ETNK2: variants seen among roughly 807,000 people sequenced by gnomAD.
The protein encoded by ETNK2 is ethanolamine kinase 2, also known as ethanolamine kinase-like protein.
ETNK2 carries 33 observed loss-of-function variants against 46.2 expected under a neutral mutation model. That is an observed-to-expected ratio of 0.71 (90% CI 0.54 to 0.96). ETNK2 has a LOEUF of 0.96. ETNK2 is among the 40% of genes least tolerant of loss of function. The probability of loss-of-function intolerance (pLI) is 0.00; values close to 1 mark genes in which losing one functional copy is unlikely to be tolerated. For missense variants in ETNK2, 445 were observed against 509.7 expected (o/e 0.87, Z 1.22); for synonymous variants, 194 against 209.0 (o/e 0.93, Z 0.62).
Position 204,137,134 on chromosome 1 carries a change from C to T in ETNK2, c.984G>A (p.Arg328=). ...GMAVTPREVQ[R]LYVQVNKFAL... The stretch of plus-strand genomic sequence containing the variant: ...CAAACTTGTTGACTTGCACGTAGAG[C>T]CTTTGCACCTCCCTGGGGGTCACGG... Residue 328 remains arginine (R), a synonymous_variant, in exon 6 of 8, where the codon AGG becomes AGA. Transcript: ENST00000367202. The T allele has an allele frequency of 1.2e-6, 2 of 1,613,952 alleles. No homozygotes were observed. Among genetic ancestry groups the T allele is most frequent in the South Asian group, 1.1e-5 (1 of 91,078 alleles).
At chr1:204,144,287 G>C (rs574738620) in intron 3 of ETNK2, among the ~76,000 whole-genome samples, 1 of 142,658 alleles carries the variant, frequency 7.0e-6, no homozygotes, top group Non-Finnish European at 1.5e-5. Context: ...CAGAGGTTGC[G>C]GTGAGCTGAG....
chr1:204,141,862 T>G, intron 3 of ETNK2: 1 of 181,174 alleles, frequency 5.5e-6, no homozygotes, highest in Non-Finnish European at 1.2e-5. Context: ...TGGGGAGAGA[T>G]GCAAAACAGA....
chr1:204,149,538 C>T (rs996164674), intron 2 of ETNK2, among the ~76,000 whole-genome samples, 165 bp downstream of exon 2: 17 of 152,186 alleles, frequency 1.1e-4, no homozygotes, highest in Admixed American at 5.2e-4. Context: ...CTACAGAAAG[C>T]GATAGCCCCT....
At chr1:204,140,486 TTC>T (rs891762688) in intron 4 of ETNK2, among the ~76,000 whole-genome samples, 1 of 152,128 alleles carries the variant, frequency 6.6e-6, no homozygotes, top group East Asian at 1.9e-4. Flanking sequence ...GATGTGTTCG[TTC>T]TCTCTCTTTC....
intron 2 of ETNK2, among the ~76,000 whole-genome samples, chr1:204,148,569 GACACACACACACACACACACAC>G (rs61199759): frequency 6.9e-6 from 1 of 145,222 alleles, no homozygotes; most frequent in African/African-American, 2.6e-5. Context: ...ACACCCTCAA[GACACACACACACACACACACAC>G]ACACACACAC....
chr1:204,135,213 C>T (rs1401654784), intron 6 of ETNK2, among the ~76,000 whole-genome samples: 1 of 152,184 alleles, frequency 6.6e-6, no homozygotes, highest in Admixed American at 6.5e-5. Context: ...AAGCCTCAAA[C>T]CGTGCTCTCC....
chr1:204,151,448 C>T lies in ETNK2; in HGVS notation c.258+147G>A. ...AGTTTTGGTAGCGACGAAATCAATC[C>T]GTACACAAACCACGTTCCAAACCTT... On this transcript the variant is annotated intron_variant, in intron 1 of 7. Coordinates refer to ENST00000367202, the MANE Select transcript of ETNK2 (RefSeq NM_018208.4). This position sits in a 1 kb window ranked among gnomAD's most constrained non-coding sequence, Gnocchi z 8.0. 2.6e-6 allele frequency: 3 copies of T among 1,168,676 alleles called. No individual in the cohort carries two copies. The highest frequency in any genetic ancestry group is 3.6e-6 in the Non-Finnish European group (3 of 835,234). The allele number at this position is 1,168,676 out of a possible 1,614,324, so 72.4% of individuals were successfully genotyped here. A position where few individuals can be genotyped will look rare whatever the true frequency, so the allele number is the denominator to read the frequency against.
chr1:204,134,388 C>CG, intron 7 of ETNK2, 127 bp downstream of exon 7: 1 of 1,044,020 alleles, frequency 9.6e-7, no homozygotes, highest in Non-Finnish European at 1.4e-6. Flanking sequence ...TGAGCTGGAA[C>CG]GGGGGCGAGT....
intron 6 of ETNK2, 155 bp from the exon 7 acceptor site, chr1:204,134,743 G>A (rs775701135): frequency 6.4e-7 from 1 of 1,551,904 alleles, no homozygotes; most frequent in Non-Finnish European, 8.8e-7. Flanking sequence ...GGGAAATTCT[G>A]GAGGCCAAGT....
At chr1:204,138,599 T>C (rs893589259) in intron 5 of ETNK2, 3 of 152,198 alleles carry the variant, frequency 2.0e-5, no homozygotes, top group Non-Finnish European at 4.4e-5. Flanking sequence ...GGTACAATCA[T>C]TGCTCGACAG....
At position 204,151,690 on chromosome 1, in the gene ETNK2, C is replaced by T. The variant is rs1283904927; in HGVS notation, c.163G>A (p.Gly55Ser). Reference protein sequence around the residue: ...PPRAAAVAYFGISVDPDDILP... With the variant: ...PPRAAAVAYFSISVDPDDILP... ...ATGTCGTCCGGGTCCACGGAAATGC[C>T]GAAGTACGCGACGGCGGCGGCCCTC... is the stretch of plus-strand genomic sequence containing the variant. Residue 55 changes from glycine (G) to serine (S), a missense_variant, in exon 1 of 8, where the codon GGC becomes AGC. Gly to Ser is a moderately conservative substitution (Grantham distance 56). Coordinates refer to ENST00000367202, the MANE Select transcript of ETNK2 (RefSeq NM_018208.4). The surrounding 1 kb of genome is among the most constrained non-coding windows in gnomAD (Gnocchi z 8.0). 8 of 1,545,952 alleles carry T rather than the reference C, an allele frequency of 5.2e-6. No homozygotes were observed. The highest frequency in any genetic ancestry group is 1.4e-5 in the African/African-American group (1 of 72,740).
At chr1:204,147,995 C>T (rs140578612) in intron 2 of ETNK2, among the ~76,000 whole-genome samples, 3,373 of 152,280 alleles carry the variant, frequency 0.022, 55 homozygotes, top group Middle Eastern at 0.044. Context: ...ATGAACAGAG[C>T]GTTTTCTTGA....
rs1007371732 is a variant in ETNK2, at chr1:204,146,983, C to T, written c.519-219G>A. ...ATTAAGACCTTAGCCTGGCTGCTCCCTTTCCAGTGCCAGGCTGGGGCTGCC... is the reference window on the plus strand; with the variant it reads ...ATTAAGACCTTAGCCTGGCTGCTCCTTTTCCAGTGCCAGGCTGGGGCTGCC... On this transcript the variant is annotated intron_variant, in intron 2 of 7. Coordinates refer to ENST00000367202, the MANE Select transcript of ETNK2 (RefSeq NM_018208.4). 26 of 678,798 alleles carry T rather than the reference C, an allele frequency of 3.8e-5. No individual in the cohort carries two copies. In the Admixed American group the frequency reaches 4.8e-4, roughly 12 times the overall value. 42.0% of individuals were successfully genotyped at this position (678,798 alleles called of 1,614,324 possible).
At chr1:204,148,641 C>T (rs1309279764) in intron 2 of ETNK2, among the ~76,000 whole-genome samples, 1 of 152,016 alleles carries the variant, frequency 6.6e-6, no homozygotes, top group African/African-American at 2.4e-5. Context: ...AATATCCCGC[C>T]TGACCAGCCG....
chr1:204,137,376 G>A, intron 5 of ETNK2, 127 bp from the exon 6 acceptor site: 1 of 1,263,202 alleles, frequency 7.9e-7, no homozygotes, highest in East Asian at 2.6e-5. Flanking sequence ...CTGTGCCCAA[G>A]GAGGCGGCCC....
chr1:204,146,351 T>A (rs1657779428), intron 3 of ETNK2, among the ~76,000 whole-genome samples: 1 of 152,078 alleles, frequency 6.6e-6, no homozygotes, highest in Admixed American at 6.5e-5. Context: ...CGGCATCCCC[T>A]AAGTAAAATG....
intron 2 of ETNK2, chr1:204,147,626 G>C (rs988831472): frequency 8.0e-6 from 4 of 498,922 alleles, no homozygotes; most frequent in African/African-American, 7.9e-5. Flanking sequence ...TCTGCCTGTT[G>C]CTTGAATAAC....
intron 5 of ETNK2, 26 bp from the exon 6 acceptor site, chr1:204,137,275 G>T: frequency 6.2e-7 from 1 of 1,610,866 alleles, no homozygotes; most frequent in Non-Finnish European, 8.5e-7. Context: ...GCCAGACAAA[G>T]TTGCTCAGAG....
intron 2 of ETNK2, among the ~76,000 whole-genome samples, chr1:204,148,546 C>G (rs1657879801): frequency 6.8e-6 from 1 of 147,390 alleles, no homozygotes; most frequent in Non-Finnish European, 1.5e-5. Context: ...CTGCATAGGT[C>G]TGTATGCCTC....
Sources: allele counts gnomAD v4.1 joint callset (sites outside exome capture counted in the v4.1 genomes callset), GRCh38; gene constraint gnomAD v4.1.1; non-coding constraint Gnocchi (gnomAD v3.1); transcripts MANE v1.5; gene names NCBI Gene and HGNC (gene_info 2026-07-23, HGNC 2026-07-21).